The following GSE1 variants were observed in gnomAD, a reference collection of about 807,000 sequenced individuals.
The protein encoded by GSE1 is genetic suppressor element 1.
Under a neutral mutation model 112.6 loss-of-function variants are expected in GSE1, and 32 were observed. The observed-to-expected ratio is 0.28, with a 90% CI of 0.21 to 0.38. GSE1 has a LOEUF of 0.38. GSE1 is among the 10% of genes least tolerant of loss of function. The pLI, the probability that GSE1 is intolerant of heterozygous loss-of-function variation, is 1.00. For missense variants in GSE1, 2,348 were observed against 1,699.2 expected, an observed-to-expected ratio of 1.38 and a Z score of -6.71; for synonymous variants, 1,115 against 735.6, an observed-to-expected ratio of 1.52 and a Z score of -8.35.
At chr16:85,178,270 A>G (rs975787178) in intron 1 of GSE1, among the ~76,000 whole-genome samples, 8 of 152,158 alleles carry the variant, frequency 5.3e-5, no homozygotes, top group African/African-American at 1.9e-4. Context: ...AAGTCCGTGT[A>G]GGGGCCATGT....
intron 1 of GSE1, among the ~76,000 whole-genome samples, chr16:85,584,626 T>G (rs1019118874): frequency 1.3e-5 from 2 of 152,090 alleles, no homozygotes; most frequent in African/African-American, 4.8e-5. Flanking sequence ...GCAGCGTTAT[T>G]TGGCGAAAGC....
intron 1 of GSE1, among the ~76,000 whole-genome samples, chr16:85,602,423 T>G (rs2047506435): frequency 6.6e-6 from 1 of 152,136 alleles, no homozygotes; most frequent in Admixed American, 6.5e-5. Flanking sequence ...GGAGGCTTCT[T>G]GGGGGCTAAT....
chr16:85,323,930 G>A (rs1023365565), intron 1 of GSE1, among the ~76,000 whole-genome samples: 3 of 152,230 alleles, frequency 2.0e-5, no homozygotes, highest in Admixed American at 6.5e-5. Flanking sequence ...GCCCGAATCT[G>A]CCTTGAGCCC....
At chr16:85,663,275 G>T in intron 10 of GSE1, 69 bp from the exon 11 acceptor site, 1 of 1,545,144 alleles carries the variant, frequency 6.5e-7, no homozygotes, top group African/African-American at 1.4e-5. Context: ...CCCAGGAGGG[G>T]ACCCCGGGAC....
At chr16:85,374,687 G>T (rs192650917) in intron 2 of GSE1, among the ~76,000 whole-genome samples, 3 of 152,182 alleles carry the variant, frequency 2.0e-5, no homozygotes, top group Non-Finnish European at 2.9e-5. Context: ...GACCCTGGAG[G>T]GGGTAGGGGG....
At chr16:85,210,524 G>C (rs2075207137) in intron 1 of GSE1, among the ~76,000 whole-genome samples, 1 of 152,138 alleles carries the variant, frequency 6.6e-6, no homozygotes. Context: ...GGGAGGTCCA[G>C]GCTGCAGTAA....
intron 1 of GSE1, among the ~76,000 whole-genome samples, chr16:85,279,383 G>C (rs1339061014): frequency 6.6e-6 from 1 of 152,242 alleles, no homozygotes; most frequent in Non-Finnish European, 1.5e-5. Context: ...CAAGGCAGCG[G>C]ATCACTTGAG....
Position 85,306,649 on chromosome 16 carries a change from A to G in GSE1, c.2284-50814A>G, listed in dbSNP as rs193215970. 4.1e-3 allele frequency among the ~76,000 whole-genome samples: 627 copies of G among 152,242 alleles called. 3 individuals are homozygous for G. Among genetic ancestry groups the G allele is most frequent in the Admixed American group, 4.7e-3 (72 of 15,264 alleles). ...CTGCAGCCTCATCCTCCTGGGTTCA[A>G]GCGATCCTCCCACCTCAGCCTCTTG... On this transcript the variant is annotated intron_variant, in intron 1 of 2. Transcript: ENST00000637419.
At chr16:85,495,716 C>G (rs1420918016) in intron 2 of GSE1, among the ~76,000 whole-genome samples, 3 of 152,016 alleles carry the variant, frequency 2.0e-5, no homozygotes, top group African/African-American at 7.3e-5. Context: ...AGGCTGGTCT[C>G]AAAACTCCTG....
chr16:85,189,766 T>G (rs1163938538), intron 1 of GSE1, among the ~76,000 whole-genome samples: 1 of 152,240 alleles, frequency 6.6e-6, no homozygotes, highest in East Asian at 1.9e-4. Context: ...TTCAAAGAGC[T>G]TATTCATTTT....
intron 1 of GSE1, among the ~76,000 whole-genome samples, chr16:85,202,759 C>T (rs1340489224): frequency 6.6e-6 from 1 of 152,336 alleles, no homozygotes; most frequent in Non-Finnish European, 1.5e-5. Flanking sequence ...CTGTTCTCGC[C>T]TGGAGCCCTT....
chr16:85,402,134 G>A (rs113026407), intron 2 of GSE1, among the ~76,000 whole-genome samples: 142 of 152,324 alleles, frequency 9.3e-4, no homozygotes, highest in African/African-American at 3.1e-3. Context: ...CGTTTGTCCC[G>A]GAACGCAGCT....
chr16:85,516,946 TGTCA>T (rs1567553381), intron 2 of GSE1, among the ~76,000 whole-genome samples: 11 of 152,098 alleles, frequency 7.2e-5, no homozygotes, highest in Non-Finnish European at 1.3e-4. Context: ...TACAGGCGCC[TGTCA>T]CCACGCCCGG....
chr16:85,313,231 G>A (rs773267879), intron 1 of GSE1, among the ~76,000 whole-genome samples: 1 of 152,160 alleles, frequency 6.6e-6, no homozygotes, highest in African/African-American at 2.4e-5. Context: ...CACCTGCGTG[G>A]GGTCAGGGCT....
rs1319506372 is a variant in GSE1 at position 85,654,920 on chromosome 16, C to T, written c.726C>T (p.Asp242=). The T allele has an allele frequency of 7.4e-6, 12 of 1,611,454 alleles. No homozygotes were observed. The highest frequency in any genetic ancestry group is 6.7e-5 in the East Asian group (3 of 44,874). Reference sequence around the variant, plus strand: ...CCTCACTGCCTCCCCTCGGCCTGGACCCGGCCACTGCTGCAGCCTACTACC... The same window carrying T: ...CCTCACTGCCTCCCCTCGGCCTGGATCCGGCCACTGCTGCAGCCTACTACC... ...RMSSLPPLGL[D]PATAAAYYHP... is the part of the protein sequence containing the mutation. The change falls in exon 5 of 16, where the codon GAC becomes GAT. Residue 242 remains aspartate, a synonymous_variant. Transcript: ENST00000253458.
intron 1 of GSE1, among the ~76,000 whole-genome samples, chr16:85,566,845 G>A (rs1411688190): frequency 6.6e-6 from 1 of 152,224 alleles, no homozygotes; most frequent in Non-Finnish European, 1.5e-5. Flanking sequence ...AAAGAAGGGA[G>A]GAGGAGAGAA....
chr16:85,429,039 A>G (rs183172748), intron 2 of GSE1, among the ~76,000 whole-genome samples: 1 of 152,224 alleles, frequency 6.6e-6, no homozygotes, highest in African/African-American at 2.4e-5. Flanking sequence ...CAACACGTGC[A>G]CATACATGGG....
At chr16:85,250,397 G>C (rs1268073385) in intron 1 of GSE1, among the ~76,000 whole-genome samples, 1 of 152,166 alleles carries the variant, frequency 6.6e-6, no homozygotes, top group South Asian at 2.1e-4. Context: ...TCTGCGCTTG[G>C]CTGGCCCCGC....
intron 2 of GSE1, among the ~76,000 whole-genome samples, chr16:85,384,662 G>A (rs553883189): frequency 1.3e-5 from 2 of 152,294 alleles, no homozygotes; most frequent in Admixed American, 6.5e-5. Context: ...GGGAACTCAC[G>A]GCCAGGCGTG....
Sources: gnomAD v4.1 joint callset for allele counts (sites outside exome capture counted in the v4.1 genomes callset) on GRCh38, gnomAD v4.1.1 for gene constraint, MANE v1.5 for transcripts, NCBI Gene and HGNC (gene_info 2026-07-23, HGNC 2026-07-21) for gene names.